RBFOX1: variants seen among roughly 807,000 people sequenced by gnomAD.
RBFOX1 encodes RNA binding fox-1 homolog 1.
In RBFOX1, 8 loss-of-function variants were observed where a neutral mutation model predicts 57.7. The ratio of observed to expected loss-of-function variants is 0.14; its 90% confidence interval spans 0.08 to 0.25. The LOEUF is 0.25. Among genes scored for constraint, RBFOX1 ranks in the 10% least tolerant of loss-of-function variants. RBFOX1 has a pLI of 1.00. For missense variants in RBFOX1, 611 were observed against 548.5 expected, an observed-to-expected ratio of 1.11 and a Z score of -1.14; for synonymous variants, 326 against 222.4, an observed-to-expected ratio of 1.47 and a Z score of -4.15.
intron 2 of RBFOX1, among the ~76,000 whole-genome samples, chr16:5,578,791 G>C (rs927053480): frequency 6.7e-6 from 1 of 150,206 alleles, no homozygotes; most frequent in Admixed American, 6.6e-5. Context: ...GTGTTTTTGC[G>C]CTTCAATCCC....
chr16:7,200,329 C>G (rs1275772993), intron 4 of RBFOX1, among the ~76,000 whole-genome samples: 2 of 152,134 alleles, frequency 1.3e-5, no homozygotes, highest in Non-Finnish European at 2.9e-5. Flanking sequence ...ACTAAGTTGG[C>G]CTGTCTTATG....
At chr16:7,644,858 A>G (rs1428392944) in intron 11 of RBFOX1, among the ~76,000 whole-genome samples, 4 of 152,180 alleles carry the variant, frequency 2.6e-5, no homozygotes, top group Admixed American at 2.6e-4. Flanking sequence ...AAAGAGGTAA[A>G]GCCTTTGGAG....
chr16:5,817,904 A>T (rs2055701728), intron 3 of RBFOX1, among the ~76,000 whole-genome samples: 1 of 151,920 alleles, frequency 6.6e-6, no homozygotes, highest in Non-Finnish European at 1.5e-5. Context: ...GTTAGCCAGG[A>T]TGGTCTCGAT....
chr16:5,286,807 A>T (rs2063406249), intron 1 of RBFOX1, among the ~76,000 whole-genome samples: 1 of 152,242 alleles, frequency 6.6e-6, no homozygotes, highest in Non-Finnish European at 1.5e-5. Flanking sequence ...CTAAAAGCAT[A>T]TGTAGACAAG....
chr16:5,466,455 G>C (rs796878938), intron 1 of RBFOX1, among the ~76,000 whole-genome samples: 10 of 152,220 alleles, frequency 6.6e-5, no homozygotes, highest in African/African-American at 1.7e-4. Context: ...GGGGGCAGAG[G>C]GGGTATTTCA....
chr16:5,857,034 CAA>C (rs201929867), intron 3 of RBFOX1, among the ~76,000 whole-genome samples: 1 of 152,124 alleles, frequency 6.6e-6, no homozygotes, highest in East Asian at 1.9e-4. Context: ...GCTTTTCTCA[CAA>C]AGTTTAATCA....
At chr16:5,995,312 A>C (rs970415844) in intron 4 of RBFOX1, among the ~76,000 whole-genome samples, 2 of 152,204 alleles carry the variant, frequency 1.3e-5, no homozygotes, top group Non-Finnish European at 2.9e-5. Flanking sequence ...GCCCAAATCC[A>C]CATATTGTCT....
At chr16:6,635,783 T>A (rs1038145129) in intron 2 of RBFOX1, among the ~76,000 whole-genome samples, 9 of 152,216 alleles carry the variant, frequency 5.9e-5, no homozygotes, top group African/African-American at 1.9e-4. Flanking sequence ...TTGATGCACT[T>A]GACCAGTCAG....
intron 1 of RBFOX1, among the ~76,000 whole-genome samples, chr16:5,435,686 A>C (rs549754221): frequency 6.6e-6 from 1 of 152,306 alleles, no homozygotes; most frequent in African/African-American, 2.4e-5. Context: ...AGGGAAGGGA[A>C]ACATGTGATC....
At chr16:6,254,821 C>T (rs1271879644) in intron 1 of RBFOX1, among the ~76,000 whole-genome samples, 1 of 151,946 alleles carries the variant, frequency 6.6e-6, no homozygotes, top group South Asian at 2.1e-4. Flanking sequence ...TTTTTAGTAA[C>T]ACTTCTCATG....
At chr16:7,179,430 C>G (rs562804400) in intron 4 of RBFOX1, among the ~76,000 whole-genome samples, 8 of 152,232 alleles carry the variant, frequency 5.3e-5, no homozygotes, top group African/African-American at 1.9e-4. Context: ...TGTCCAATCT[C>G]CACAATTTGT....
At chr16:7,280,252 T>C (rs1272933642) in intron 4 of RBFOX1, among the ~76,000 whole-genome samples, 1 of 152,176 alleles carries the variant, frequency 6.6e-6, no homozygotes, top group Non-Finnish European at 1.5e-5. Context: ...AAGCTTGTGT[T>C]TCAGAGGGCT....
chr16:7,192,452 T>C (rs2085646363), intron 4 of RBFOX1, among the ~76,000 whole-genome samples: 1 of 152,152 alleles, frequency 6.6e-6, no homozygotes, highest in Non-Finnish European at 1.5e-5. Context: ...TCAATGGAGA[T>C]TATAATACGT....
intron 3 of RBFOX1, among the ~76,000 whole-genome samples, chr16:6,679,503 G>C (rs986084561): frequency 6.6e-6 from 1 of 152,032 alleles, no homozygotes; most frequent in Admixed American, 6.6e-5. Context: ...CTTCATGGTC[G>C]CATTCTGGAT....
At chr16:5,848,512 G>C (rs1274347936) in intron 3 of RBFOX1, among the ~76,000 whole-genome samples, 5 of 152,182 alleles carry the variant, frequency 3.3e-5, no homozygotes, top group African/African-American at 9.7e-5. Context: ...GACTGGCCTA[G>C]TTTGGAACTA....
intron 2 of RBFOX1, among the ~76,000 whole-genome samples, chr16:5,518,623 C>T (rs564281781): frequency 6.6e-6 from 1 of 152,296 alleles, no homozygotes; most frequent in African/African-American, 2.4e-5. Context: ...AAGTCCAGGA[C>T]CAGACCTGGA....
At chr16:6,034,426 A>G (rs562636122) in intron 1 of RBFOX1, among the ~76,000 whole-genome samples, 2 of 151,404 alleles carry the variant, frequency 1.3e-5, no homozygotes, top group Admixed American at 6.6e-5. Context: ...TGGGAAGTCC[A>G]TGATCAAGGT....
chr16:6,593,228 T>G (rs1268862331), intron 2 of RBFOX1, among the ~76,000 whole-genome samples: 4 of 152,152 alleles, frequency 2.6e-5, no homozygotes, highest in Admixed American at 2.0e-4. Flanking sequence ...GAGATCACCC[T>G]CTTCCACGTA....
intron 14 of RBFOX1, among the ~76,000 whole-genome samples, chr16:7,692,159 ATTGTC>A (rs1375743725): frequency 6.6e-6 from 1 of 152,158 alleles, no homozygotes; most frequent in African/African-American, 2.4e-5. Flanking sequence ...GTTAACTTTT[ATTGTC>A]TTAAGGAAAG....
Sources: gnomAD v4.1 joint callset for allele counts (sites outside exome capture counted in the v4.1 genomes callset) on GRCh38, gnomAD v4.1.1 for gene constraint, MANE v1.5 for transcripts, NCBI Gene and HGNC (gene_info 2026-07-23, HGNC 2026-07-21) for gene names.